FMN1: variants seen among roughly 807,000 people sequenced by gnomAD.
The protein encoded by FMN1 is formin-1.
In FMN1, 110 loss-of-function variants were observed where a neutral mutation model predicts 132.4. The ratio of observed to expected loss-of-function variants is 0.83; its 90% CI spans 0.71 to 0.97. FMN1 has a LOEUF of 0.97. Ranked by LOEUF, FMN1 falls within the 50% of genes least tolerant of loss-of-function variation. The pLI is 0.00. For missense variants in FMN1, 1,792 were observed against 1,705.3 expected, an observed-to-expected ratio of 1.05 and a Z score of -0.90; for synonymous variants, 722 against 651.7, an observed-to-expected ratio of 1.11 and a Z score of -1.64.
At chr15:32,934,574 T>C (rs1325924469) in intron 9 of FMN1, among the ~76,000 whole-genome samples, 1 of 151,912 alleles carries the variant, frequency 6.6e-6, no homozygotes, top group Non-Finnish European at 1.5e-5. Context: ...ATTTCTCTTT[T>C]GTTTCTGAAA....
intron 6 of FMN1, among the ~76,000 whole-genome samples, chr15:33,014,791 A>C (rs999767667): frequency 1.3e-4 from 20 of 152,228 alleles, no homozygotes; most frequent in African/African-American, 4.8e-4. Flanking sequence ...TGTCATTACA[A>C]AGTTTGTGCC....
At chr15:33,160,855 G>A (rs1211094929) in intron 3 of FMN1, among the ~76,000 whole-genome samples, 1 of 152,170 alleles carries the variant, frequency 6.6e-6, no homozygotes, top group Non-Finnish European at 1.5e-5. Context: ...TTGCAGCAGT[G>A]ATTTCTCCCT....
intron 7 of FMN1, among the ~76,000 whole-genome samples, chr15:32,981,536 T>C (rs1238181121): frequency 7.5e-6 from 1 of 133,060 alleles, no homozygotes; most frequent in Non-Finnish European, 1.6e-5. Context: ...ATAATAATAA[T>C]AATAATAATT....
chr15:33,138,620 G>A (rs1027172785), intron 4 of FMN1, among the ~76,000 whole-genome samples: 2 of 152,150 alleles, frequency 1.3e-5, no homozygotes, highest in East Asian at 1.9e-4. Context: ...GGATACTATT[G>A]CTGTCTTCAT....
intron 15 of FMN1, among the ~76,000 whole-genome samples, chr15:32,891,272 G>C (rs2060022011): frequency 6.6e-6 from 1 of 152,164 alleles, no homozygotes; most frequent in Non-Finnish European, 1.5e-5. Flanking sequence ...TCTTGAGACG[G>C]AGTCTCGCTC....
chr15:33,009,561 C>A (rs570583344), intron 6 of FMN1, among the ~76,000 whole-genome samples: 1 of 152,266 alleles, frequency 6.6e-6, no homozygotes, highest in Non-Finnish European at 1.5e-5. Context: ...ATCTCAAAAT[C>A]TTTGCTAATA....
chr15:33,069,993 C>CTCTCTCTTTTTT (rs398026774), intron 5 of FMN1, among the ~76,000 whole-genome samples: 1 of 74,292 alleles, frequency 1.3e-5, no homozygotes. Context: ...CAGTCTTTCT[C>CTCTCTCTTTTTT]TTTTTTTTTT....
In FMN1 at chr15:33,154,123, T is replaced by A. The variant is rs1964567996; in HGVS notation, c.792A>T (p.Arg264Ser). Residue 264 changes from arginine to serine, a missense_variant, in exon 4 of 21, where the codon AGA becomes AGT. Transcript: ENST00000616417. ...AGCTGCAGTCAGGGGGCAGCACTTC[T>A]CTTCCAAGCCCAGTGTCCTTGAAAG... ...ETAFKDTGLG[R>S]EVLPPDCSST... The A allele has an allele frequency of 3.9e-6, 6 of 1,536,274 alleles. No individual in the cohort carries two copies. The highest frequency in any genetic ancestry group is 5.2e-6 in the Non-Finnish European group (6 of 1,146,892).
intron 19 of FMN1, among the ~76,000 whole-genome samples, chr15:32,797,438 G>A (rs896061493): frequency 6.6e-6 from 1 of 152,196 alleles, no homozygotes; most frequent in Non-Finnish European, 1.5e-5. Context: ...TTTAAGAATA[G>A]TATTTTCGTA....
At chr15:33,003,308 C>G (rs2034221220) in intron 7 of FMN1, among the ~76,000 whole-genome samples, 1 of 152,326 alleles carries the variant, frequency 6.6e-6, no homozygotes, top group East Asian at 1.9e-4. Flanking sequence ...ACCCCATTGT[C>G]TCAGCCCAAA....
At chr15:33,043,610 G>A (rs1282374773) in intron 6 of FMN1, among the ~76,000 whole-genome samples, 4 of 152,242 alleles carry the variant, frequency 2.6e-5, no homozygotes, top group Non-Finnish European at 5.9e-5. Flanking sequence ...GATGGTGTCA[G>A]AAGTGGGATA....
intron 19 of FMN1, among the ~76,000 whole-genome samples, chr15:32,778,689 C>A (rs530220670): frequency 6.6e-6 from 1 of 152,076 alleles, no homozygotes; most frequent in Admixed American, 6.6e-5. Flanking sequence ...GAAACTGGAA[C>A]CCTTATACAC....
chr15:32,889,550 T>C (rs2059975688), intron 15 of FMN1, among the ~76,000 whole-genome samples: 1 of 152,196 alleles, frequency 6.6e-6, no homozygotes, highest in Non-Finnish European at 1.5e-5. Flanking sequence ...TAGACCTTCA[T>C]GAAATAACAG....
At chr15:33,146,515 G>A (rs767163577) in intron 4 of FMN1, among the ~76,000 whole-genome samples, 3 of 145,992 alleles carry the variant, frequency 2.1e-5, no homozygotes, top group Non-Finnish European at 2.9e-5. Flanking sequence ...ATAAGGCTCT[G>A]AGCCTTGTTT....
At chr15:32,862,618 T>C (rs1453689650) in intron 16 of FMN1, among the ~76,000 whole-genome samples, 2 of 152,204 alleles carry the variant, frequency 1.3e-5, no homozygotes, top group African/African-American at 4.8e-5. Flanking sequence ...AACAAGGGAA[T>C]AAAGCTTATT....
rs959378933 is a variant in FMN1 at position 32,870,277 on chromosome 15, G to A, written c.3836-13170C>T. ...TATTCTCTAGGGCTACTTTGATCAC[G>A]TGCAGAAGAGGTCTAGCCCTTTACA... On this transcript the variant is annotated intron_variant, in intron 16 of 20. Transcript: ENST00000616417. 6.6e-5 allele frequency among the ~76,000 whole-genome samples: 10 copies of A among 152,130 alleles called. No individual in the cohort carries two copies. The East Asian group carries it at 1.5e-3, about 23-fold the overall frequency.
intron 9 of FMN1, among the ~76,000 whole-genome samples, chr15:32,960,661 C>A (rs1404128294): frequency 6.6e-6 from 1 of 151,986 alleles, no homozygotes; most frequent in Non-Finnish European, 1.5e-5. Flanking sequence ...CATTACATTA[C>A]TTGAGAAATG....
intron 6 of FMN1, among the ~76,000 whole-genome samples, chr15:33,019,135 G>C (rs560261119): frequency 2.0e-5 from 3 of 152,224 alleles, no homozygotes; most frequent in African/African-American, 4.8e-5. Context: ...ACAGAGAGCT[G>C]ATTGGTCTGT....
chr15:32,883,410 T>C (rs1411017871), intron 16 of FMN1, among the ~76,000 whole-genome samples: 2 of 147,248 alleles, frequency 1.4e-5, no homozygotes, highest in Admixed American at 1.4e-4. Context: ...CTTAGGAGGC[T>C]GAGGTAGGAG....
Sources: allele counts gnomAD v4.1 joint callset (sites outside exome capture counted in the v4.1 genomes callset), GRCh38; gene constraint gnomAD v4.1.1; transcripts MANE v1.5; gene names NCBI Gene and HGNC (gene_info 2026-07-23, HGNC 2026-07-21).